The following SLC3A1 variants were observed in gnomAD, a reference collection of about 807,000 sequenced individuals.
SLC3A1 encodes the protein solute carrier family 3 member 1, also known as amino acid transporter heavy chain SLC3A1.
Under a neutral mutation model 60.3 loss-of-function variants are expected in SLC3A1, and 78 were observed. The observed-to-expected ratio is 1.29, with a 90% CI of 1.08 to 1.56. The LOEUF (loss-of-function observed/expected upper bound fraction) is 1.56, where lower values mean the gene tolerates loss of function less well. Among genes scored for constraint, SLC3A1 ranks in the 40% most tolerant of loss-of-function variants. The pLI is 0.00. For synonymous variants in SLC3A1, 392 were observed against 307.9 expected (o/e 1.27, Z -2.86); for missense variants, 1,172 against 858.9 (o/e 1.36, Z -4.56).
At chr2:44,306,512 T>A (rs1672160160) in intron 7 of SLC3A1, among the ~76,000 whole-genome samples, 1 of 151,104 alleles carries the variant, frequency 6.6e-6, no homozygotes, top group African/African-American at 2.4e-5. Context: ...AATTTTTAAA[T>A]AACAGCTTTG....
At chr2:44,297,191 C>T (rs574086533) in intron 4 of SLC3A1, among the ~76,000 whole-genome samples, 1 of 152,268 alleles carries the variant, frequency 6.6e-6, no homozygotes, top group African/African-American at 2.4e-5. Context: ...ATATACATTC[C>T]TGTGAAACCT....
chr2:44,277,532 C>T (rs542229462), intron 1 of SLC3A1, among the ~76,000 whole-genome samples: 202 of 152,256 alleles, frequency 1.3e-3, no homozygotes, highest in African/African-American at 4.6e-3. Flanking sequence ...CTAATCAGAC[C>T]ATGGGCTCCC....
At chr2:44,302,165 A>G (rs1415390841) in intron 6 of SLC3A1, among the ~76,000 whole-genome samples, 1 of 152,230 alleles carries the variant, frequency 6.6e-6, no homozygotes, top group Non-Finnish European at 1.5e-5. Flanking sequence ...CAGCTAAAGT[A>G]TCAGGAACAC....
At chr2:44,318,826 CAA>C (rs1308960579) in intron 9 of SLC3A1, 5 of 152,046 alleles carry the variant, frequency 3.3e-5, no homozygotes, top group African/African-American at 1.2e-4. Flanking sequence ...TTATATGAGA[CAA>C]AGGCAATTTT....
In SLC3A1 at chr2:44,305,383, G is replaced by A. The variant is rs185503520; in HGVS notation, c.1332+1045G>A. Reference sequence around the variant, plus strand: ...ACGGTAATAGTGGTTTAAACAAAATGCAAGTTTCTTTCTCTCATATAAAAG... The same window carrying A: ...ACGGTAATAGTGGTTTAAACAAAATACAAGTTTCTTTCTCTCATATAAAAG... On this transcript the variant is annotated intron_variant, in intron 7 of 9. Coordinates refer to ENST00000260649, the MANE Select transcript of SLC3A1 (RefSeq NM_000341.4). Among the ~76,000 whole-genome samples, 116 of 151,126 alleles carry A rather than the reference G, an allele frequency of 7.7e-4. 1 individual carries two copies. The highest frequency in any genetic ancestry group is 2.8e-3 in the African/African-American group (116 of 41,190).
At chr2:44,311,087 G>A (rs906315713) in intron 7 of SLC3A1, among the ~76,000 whole-genome samples, 1 of 152,094 alleles carries the variant, frequency 6.6e-6, no homozygotes, top group African/African-American at 2.4e-5. Context: ...GAGCCACAGT[G>A]CCTGGCCTCA....
At chr2:44,311,059 C>A (rs984915648) in intron 7 of SLC3A1, among the ~76,000 whole-genome samples, 2 of 152,094 alleles carry the variant, frequency 1.3e-5, no homozygotes, top group Admixed American at 1.3e-4. Flanking sequence ...CATCCCAAAG[C>A]ACTGGGATTA....
At chr2:44,314,272 C>T (rs1329650979) in intron 9 of SLC3A1, 1 of 577,282 alleles carries the variant, frequency 1.7e-6, no homozygotes. Flanking sequence ...TTCCTCCTCT[C>T]TTCCCCTCAA....
At chr2:44,299,586 A>C (rs1472641662) in intron 4 of SLC3A1, among the ~76,000 whole-genome samples, 1 of 152,208 alleles carries the variant, frequency 6.6e-6, no homozygotes, top group Non-Finnish European at 1.5e-5. Flanking sequence ...TTGAGTTTGC[A>C]GTGACAGTTA....
Position 44,286,052 on chromosome 2 carries a change from C to G in SLC3A1, c.786C>G (p.Ser262=), listed in dbSNP as rs1572793793. 1 of 1,614,038 alleles carries G rather than the reference C, an allele frequency of 6.2e-7. No homozygotes were observed. Among genetic ancestry groups the G allele is most frequent in the Non-Finnish European group, 8.5e-7 (1 of 1,179,918 alleles). The change falls in exon 4 of 10, where the codon TCC becomes TCG. Residue 262 remains serine, a synonymous_variant. Coordinates refer to ENST00000260649, the MANE Select transcript of SLC3A1 (RefSeq NM_000341.4). ...PNNWLSVYGN[S]SWHFDEVRNQ... ...GCCAGTTAAGTGTGTATGGAAACTC[C>G]AGTTGGCACTTTGACGAAGTGCGAA...
intron 7 of SLC3A1, among the ~76,000 whole-genome samples, chr2:44,308,285 C>T (rs1460494180): frequency 2.0e-5 from 3 of 152,178 alleles, no homozygotes; most frequent in Non-Finnish European, 4.4e-5. Flanking sequence ...AAGTATGGGT[C>T]CTCCAACTTT....
intron 2 of SLC3A1, 100 bp from the exon 3 acceptor site, chr2:44,281,287 G>A: frequency 9.7e-7 from 1 of 1,029,944 alleles, no homozygotes; most frequent in Non-Finnish European, 1.5e-6. Flanking sequence ...GCCTCCCAGT[G>A]TATTGGGGTT....
Position 44,286,134 on chromosome 2 carries a change from C to A in SLC3A1, c.868C>A (p.Pro290Thr). Residue 290 changes from proline (P) to threonine (T), a missense_variant, in exon 4 of 10, where the codon CCT becomes ACT. Physicochemically the swap from Pro to Thr is conservative, Grantham distance 38. Transcript: ENST00000260649. ...GCAACCTGATTTAAATTTCCGCAAT[C>A]CTGATGTTCAAGAAGAAATAAAAGT... ...KEQPDLNFRN[P>T]DVQEEIKEIL... 6.2e-7 allele frequency: 1 copy of A among 1,613,978 alleles called. No homozygotes were observed. The highest frequency in any genetic ancestry group is 2.2e-5 in the East Asian group (1 of 44,866).
chr2:44,312,925 G>A, intron 8 of SLC3A1, 172 bp downstream of exon 8: 1 of 605,164 alleles, frequency 1.7e-6, no homozygotes, highest in Non-Finnish European at 2.9e-6. Context: ...TTGGTGGTCT[G>A]AGAGCTTATT....
In SLC3A1 at chr2:44,304,496, T is replaced by C. The variant is rs3738983; in HGVS notation, c.1332+158T>C. On this transcript the variant is annotated intron_variant, in intron 7 of 9. Transcript: ENST00000260649. ...AGGCCTGTCACAGCCTCTGCCAGGT[T>C]CTTTTCATTAAGGGAGGGAGACTGC... is the stretch of plus-strand genomic sequence containing the variant. Among the ~76,000 whole-genome samples the C allele has an allele frequency of 0.035, 5,371 of 152,280 alleles. 437 individuals carry two copies. Among genetic ancestry groups the C allele is most frequent in the East Asian group, 0.35 (1,802 of 5,164 alleles).
intron 4 of SLC3A1, among the ~76,000 whole-genome samples, chr2:44,294,743 T>C (rs1053588243): frequency 6.6e-6 from 1 of 152,124 alleles, no homozygotes; most frequent in Non-Finnish European, 1.5e-5. Context: ...AAAGAATTTT[T>C]CCAAGATTTC....
At chr2:44,285,913 A>G in intron 3 of SLC3A1, 119 bp from the exon 4 acceptor site, 1 of 1,331,108 alleles carries the variant, frequency 7.5e-7, no homozygotes, top group Non-Finnish European at 1.1e-6. Flanking sequence ...TGCTCTCTGT[A>G]GAAGGAAAAC....
intron 7 of SLC3A1, among the ~76,000 whole-genome samples, chr2:44,311,943 A>G (rs1320062631): frequency 1.3e-5 from 2 of 152,176 alleles, no homozygotes; most frequent in African/African-American, 2.4e-5. Flanking sequence ...TAAAAAGTAA[A>G]GTGCCATGCT....
intron 4 of SLC3A1, among the ~76,000 whole-genome samples, chr2:44,290,893 T>C (rs1671727086): frequency 6.6e-6 from 1 of 152,164 alleles, no homozygotes; most frequent in Non-Finnish European, 1.5e-5. Context: ...TGGACTCTCC[T>C]CTTCTTCATC....
Sources: gnomAD v4.1 joint callset for allele counts (sites outside exome capture counted in the v4.1 genomes callset) on GRCh38, gnomAD v4.1.1 for gene constraint, MANE v1.5 for transcripts, NCBI Gene and HGNC (gene_info 2026-07-23, HGNC 2026-07-21) for gene names.